Variants in MTERF4 observed in about 807,000 individuals in gnomAD.
MTERF4 encodes the protein transcription termination factor 4, mitochondrial.
Under a neutral mutation model 22.5 loss-of-function variants are expected in MTERF4, and 17 were observed. That is an observed-to-expected ratio of 0.75 (90% CI 0.52 to 1.13). MTERF4 has a LOEUF of 1.13. MTERF4 is among the 50% of genes most tolerant of loss of function. The pLI, the probability that MTERF4 is intolerant of heterozygous loss-of-function variation, is 0.00. For synonymous variants in MTERF4, 165 were observed against 175.3 expected (o/e 0.94, Z 0.47); for missense variants, 420 against 466.8 (o/e 0.90, Z 0.92).
At chr2:241,061,854 CAAA>C in the MTERF4 span, among the ~76,000 whole-genome samples, 10 of 118,144 alleles carry the variant, frequency 8.5e-5, no homozygotes, top group South Asian at 1.6e-3. Context: ...TCCATCCCCC[CAAA>C]AAAAAAAAAA....
the MTERF4 span, chr2:241,048,959 A>G: frequency 9.0e-6 from 13 of 1,447,472 alleles, 1 homozygote; most frequent in African/African-American, 1.1e-4. Flanking sequence ...ATCCTTGACA[A>G]GGACTCGAGG....
intron 1 of MTERF4, among the ~76,000 whole-genome samples, chr2:241,100,988 C>G (rs976094875): frequency 3.9e-5 from 6 of 152,198 alleles, no homozygotes; most frequent in African/African-American, 1.4e-4. Context: ...ATCATCCAGG[C>G]ACTCTAAGCC....
chr2:241,078,376 C>T (rs976002596), intron 4 of MTERF4, among the ~76,000 whole-genome samples: 33 of 106,728 alleles, frequency 3.1e-4, no homozygotes, highest in African/African-American at 1.1e-3. Context: ...GAACTAGACT[C>T]CGTCTCAAAA....
chr2:241,065,005 T>C, the MTERF4 span: 2 of 1,413,134 alleles, frequency 1.4e-6, no homozygotes, highest in Admixed American at 4.7e-5. Context: ...GGGGGTCCCC[T>C]CTCCCTAGAG....
intron 2 of MTERF4, among the ~76,000 whole-genome samples, chr2:241,098,082 T>C (rs1353808062): frequency 6.6e-6 from 1 of 152,196 alleles, no homozygotes; most frequent in Non-Finnish European, 1.5e-5. Context: ...TTCCTAGGGA[T>C]AGCTGAGCAA....
At chr2:241,051,790 G>C in the MTERF4 span, 1 of 1,558,398 alleles carries the variant, frequency 6.4e-7, no homozygotes, top group Non-Finnish European at 8.7e-7. The surrounding 1 kb of genome is among the most constrained non-coding windows in gnomAD (Gnocchi z 4.7). Flanking sequence ...ACGGGGGCAC[G>C]TGCAAGGAGG....
At chr2:241,084,989 C>T (rs377002941), downstream of MTERF4, among the ~76,000 whole-genome samples, 1 of 152,132 alleles carries the variant, frequency 6.6e-6, no homozygotes, top group African/African-American at 2.4e-5. Context: ...AAGAAGACTG[C>T]AGTCATTCTT....
chr2:241,067,311 T>C (rs1380403029), downstream of MTERF4, among the ~76,000 whole-genome samples: 1 of 152,202 alleles, frequency 6.6e-6, no homozygotes, highest in Non-Finnish European at 1.5e-5. Context: ...AGTGGCCCCT[T>C]CCCTGCAGTT....
At chr2:241,048,660 A>G in the MTERF4 span, 3 of 1,607,398 alleles carry the variant, frequency 1.9e-6, no homozygotes, top group Admixed American at 1.7e-5. Context: ...TCTTCGTGGC[A>G]GGAGTCCCCG....
chr2:241,097,543 C>T, intron 2 of MTERF4, 116 bp from the exon 3 acceptor site: 1 of 981,486 alleles, frequency 1.0e-6, no homozygotes, highest in Non-Finnish European at 1.5e-6. Context: ...CCTCTCCTTC[C>T]ACAGAGCAAG....
At chr2:241,102,004 G>A (rs2064731321) in intron 1 of MTERF4, 1 of 560,830 alleles carries the variant, frequency 1.8e-6, no homozygotes, top group Non-Finnish European at 3.1e-6. Context: ...AGTGAGCCGA[G>A]ATCGCGCCAT....
chr2:241,059,220 C>T, the MTERF4 span, among the ~76,000 whole-genome samples: 1 of 152,126 alleles, frequency 6.6e-6, no homozygotes, highest in Non-Finnish European at 1.5e-5. Context: ...CATATACAGC[C>T]TTATATCTGT....
chr2:241,073,066 GA>G lies in MTERF4; in HGVS notation n.3095del. 2 of 568,386 alleles carry G rather than the reference GA, an allele frequency of 3.5e-6. No homozygotes were observed. Among genetic ancestry groups the G allele is most frequent in the Non-Finnish European group, 6.3e-6 (2 of 318,658 alleles). 35.2% of individuals were successfully genotyped at this position (568,386 alleles called of 1,614,324 possible). On this transcript the variant is annotated non_coding_transcript_exon_variant, in exon 5 of 5. Transcript: ENST00000464344. This position sits in a 1 kb window ranked among gnomAD's most constrained non-coding sequence, Gnocchi z 6.6. ...GCAAGGGGAAGGCCGAGCCCCTCCA[GA>G]GGGTCAGCAGGAGGGTGAGGCCAGC... is the stretch of plus-strand genomic sequence containing the variant.
At chr2:241,081,654 C>T (rs2063334959) in intron 4 of MTERF4, 3 of 1,541,172 alleles carry the variant, frequency 1.9e-6, no homozygotes, top group Non-Finnish European at 2.7e-6. Context: ...CAGTGACTAA[C>T]CTCTCGTGAC....
At chr2:241,067,498 A>G (rs1044683816), downstream of MTERF4, among the ~76,000 whole-genome samples, 5 of 152,202 alleles carry the variant, frequency 3.3e-5, no homozygotes, top group African/African-American at 1.2e-4. Context: ...AATGGAGACT[A>G]AGACCCCTGC....
In MTERF4 at chr2:241,096,100, CTCA is replaced by C. The variant is rs142629642; in HGVS notation, c.1041_1043del (p.Asp347del). The C allele has an allele frequency of 3.1e-3, 5,040 of 1,613,564 alleles. 129 individuals are homozygous for C. The African/African-American group carries it at 0.059, about 19-fold the overall frequency. On this transcript the variant is annotated inframe_deletion, in exon 4 of 4. Transcript: ENST00000391980. The surrounding 1 kb of genome is among the most constrained non-coding windows in gnomAD (Gnocchi z 5.1). ...CATTGTCATCCTCATCATTGTCCTC[CTCA>C]TCATCGTCATCCTCATCCTCATCCA...
At chr2:241,087,359 G>C (rs776698657), downstream of MTERF4, 61 of 1,564,086 alleles carry the variant, frequency 3.9e-5, no homozygotes, top group Admixed American at 1.1e-3. Context: ...TTGCTTCACT[G>C]TCTGGTTTTA....
chr2:241,080,783 C>A (rs1365550133), intron 4 of MTERF4, among the ~76,000 whole-genome samples: 1 of 152,230 alleles, frequency 6.6e-6, no homozygotes, highest in Admixed American at 6.5e-5. Flanking sequence ...TTGCTGAGGA[C>A]CAACTCGGTC....
At chr2:241,098,439 G>C (rs928488630) in intron 2 of MTERF4, among the ~76,000 whole-genome samples, 2 of 152,180 alleles carry the variant, frequency 1.3e-5, no homozygotes, top group Non-Finnish European at 2.9e-5. Context: ...AGAAATAATA[G>C]TGGAACTCCT....
Sources: allele counts gnomAD v4.1 joint callset (sites outside exome capture counted in the v4.1 genomes callset), GRCh38; gene constraint gnomAD v4.1.1; non-coding constraint Gnocchi (gnomAD v3.1); transcripts MANE v1.5; gene names NCBI Gene and HGNC (gene_info 2026-07-23, HGNC 2026-07-21).